Variants in DAPK2 observed in about 807,000 individuals in gnomAD.
DAPK2 encodes death-associated protein kinase 2.
A neutral mutation model predicts 44.1 loss-of-function variants in DAPK2; 35 were observed. The observed-to-expected ratio is 0.79, with a 90% CI of 0.61 to 1.05. The LOEUF (loss-of-function observed/expected upper bound fraction) is 1.05, where lower values mean the gene tolerates loss of function less well. DAPK2 is among the 50% of genes least tolerant of loss of function. The pLI, the probability that DAPK2 is intolerant of heterozygous loss-of-function variation, is 0.00. For synonymous variants in DAPK2, 174 were observed against 182.6 expected (o/e 0.95, Z 0.38); for missense variants, 453 against 483.2 (o/e 0.94, Z 0.59).
At chr15:63,920,891 G>T (rs1027569972) in intron 8 of DAPK2, 1 of 152,340 alleles carries the variant, frequency 6.6e-6, no homozygotes, top group Non-Finnish European at 1.5e-5. Context: ...CAGAGCTCTG[G>T]TATGATGGCT....
chr15:63,957,935 G>A (rs1439677256), intron 3 of DAPK2, among the ~76,000 whole-genome samples: 2 of 152,174 alleles, frequency 1.3e-5, no homozygotes, highest in African/African-American at 2.4e-5. Flanking sequence ...TCGCCACACT[G>A]TCTTCCACAA....
chr15:64,003,349 G>A (rs2079147654), intron 1 of DAPK2, among the ~76,000 whole-genome samples: 1 of 152,312 alleles, frequency 6.6e-6, no homozygotes, highest in South Asian at 2.1e-4. Context: ...ATCTGCATTA[G>A]TGGGAAGGTT....
chr15:63,935,020 A>T (rs916575149), intron 4 of DAPK2, among the ~76,000 whole-genome samples: 11 of 151,478 alleles, frequency 7.3e-5, no homozygotes, highest in Non-Finnish European at 1.2e-4. Flanking sequence ...TATTGGTGGC[A>T]AACTCTATAT....
intron 1 of DAPK2, among the ~76,000 whole-genome samples, chr15:64,016,629 C>A (rs1028528468): frequency 4.6e-5 from 7 of 152,024 alleles, no homozygotes; most frequent in African/African-American, 1.7e-4. Flanking sequence ...CCTGTCTCTA[C>A]AAAATATTTA....
At chr15:64,037,690 G>T (rs1337364806) in intron 1 of DAPK2, among the ~76,000 whole-genome samples, 4 of 152,144 alleles carry the variant, frequency 2.6e-5, no homozygotes, top group Non-Finnish European at 4.4e-5. Context: ...TCATTCAAAG[G>T]CAGCTCTAGT....
chr15:63,964,671 T>G (rs187977579), intron 3 of DAPK2, among the ~76,000 whole-genome samples: 2 of 152,078 alleles, frequency 1.3e-5, no homozygotes, highest in Admixed American at 1.3e-4. Flanking sequence ...TATTTTCGAA[T>G]AGTCTATCTT....
At chr15:63,925,692 A>G (rs1217453804) in intron 7 of DAPK2, among the ~76,000 whole-genome samples, 28 of 151,140 alleles carry the variant, frequency 1.9e-4, no homozygotes, top group East Asian at 3.9e-4. Flanking sequence ...ACACACACAC[A>G]CACACACACA....
At chr15:64,013,000 T>C (rs2079427823) in intron 1 of DAPK2, among the ~76,000 whole-genome samples, 1 of 152,214 alleles carries the variant, frequency 6.6e-6, no homozygotes, top group South Asian at 2.1e-4. Context: ...GTATCTTCGA[T>C]ATGATCATAA....
In DAPK2 at chr15:63,965,856, C is replaced by A. The variant is rs545550099; in HGVS notation, c.453+5567G>T. On this transcript the variant is annotated intron_variant, in intron 3 of 10. Transcript: ENST00000261891. ...GGGACTCTCCCTTCAGGGCAGTGGGCTCCCCTTTGGCCCAGGGTAGGTCCA... is the reference window on the plus strand; with the variant it reads ...GGGACTCTCCCTTCAGGGCAGTGGGATCCCCTTTGGCCCAGGGTAGGTCCA... Among the ~76,000 whole-genome samples the A allele has an allele frequency of 3.3e-5, 5 of 152,232 alleles. No homozygotes were observed. In the East Asian group the frequency reaches 9.7e-4, roughly 29 times the overall value.
chr15:63,964,549 A>C (rs577291535), intron 3 of DAPK2, among the ~76,000 whole-genome samples: 2 of 152,056 alleles, frequency 1.3e-5, no homozygotes, highest in East Asian at 3.9e-4. Context: ...TTCTACCTCT[A>C]TCTCTCTACC....
At chr15:63,924,924 C>T (rs1416038725) in intron 7 of DAPK2, 63 bp from the exon 9 acceptor site, 9 of 1,565,348 alleles carry the variant, frequency 5.7e-6, no homozygotes, top group African/African-American at 2.7e-5. Context: ...CAACCATCTC[C>T]GTTCTCACTC....
At chr15:63,976,263 A>C (rs2078343913) in intron 2 of DAPK2, among the ~76,000 whole-genome samples, 1 of 152,252 alleles carries the variant, frequency 6.6e-6, no homozygotes, top group Non-Finnish European at 1.5e-5. Context: ...GAGCACTTGC[A>C]ATGTGGCTAG....
At chr15:63,918,943 G>C (rs2079000724) in intron 8 of DAPK2, 1 of 152,264 alleles carries the variant, frequency 6.6e-6, no homozygotes, top group Admixed American at 6.5e-5. Context: ...CCTTCCTCTA[G>C]GCACCAGCGA....
intron 1 of DAPK2, among the ~76,000 whole-genome samples, chr15:63,985,119 G>A (rs1335052828): frequency 6.6e-6 from 1 of 152,222 alleles, no homozygotes; most frequent in Admixed American, 6.5e-5. Context: ...GGCACTACGG[G>A]GCAGGGACCA....
intron 3 of DAPK2, among the ~76,000 whole-genome samples, chr15:63,944,864 C>A (rs2140485086): frequency 6.6e-6 from 1 of 152,304 alleles, no homozygotes; most frequent in South Asian, 2.1e-4. Flanking sequence ...TCCAGCCTCA[C>A]CACCCATCCC....
At chr15:63,989,802 C>T (rs1269962094) in intron 1 of DAPK2, among the ~76,000 whole-genome samples, 1 of 152,104 alleles carries the variant, frequency 6.6e-6, no homozygotes, top group African/African-American at 2.4e-5. Context: ...AGCAATTCTC[C>T]TGCCTCAGTC....
intron 6 of DAPK2, among the ~76,000 whole-genome samples, chr15:63,929,320 G>A (rs2079438081): frequency 6.6e-6 from 1 of 152,200 alleles, no homozygotes; most frequent in Admixed American, 6.5e-5. Context: ...AGGTTGTGCA[G>A]AGTGGAGAGC....
At chr15:64,037,084 T>C (rs1211100593) in intron 1 of DAPK2, among the ~76,000 whole-genome samples, 1 of 152,206 alleles carries the variant, frequency 6.6e-6, no homozygotes, top group Non-Finnish European at 1.5e-5. Context: ...GCAGGTTGTC[T>C]AATGTTGCAC....
At chr15:63,942,682 G>T (rs2077341809) in intron 3 of DAPK2, among the ~76,000 whole-genome samples, 1 of 152,082 alleles carries the variant, frequency 6.6e-6, no homozygotes, top group Non-Finnish European at 1.5e-5. Flanking sequence ...CACACAGCAG[G>T]TGACTTCTCT....
Sources: allele counts gnomAD v4.1 joint callset (sites outside exome capture counted in the v4.1 genomes callset), GRCh38; gene constraint gnomAD v4.1.1; transcripts MANE v1.5; gene names NCBI Gene and HGNC (gene_info 2026-07-23, HGNC 2026-07-21).